The following FAM120A variants were observed in gnomAD, a reference collection of about 807,000 sequenced individuals.
The protein encoded by FAM120A is constitutive coactivator of PPAR-gamma-like protein 1.
A neutral mutation model predicts 109.7 loss-of-function variants in FAM120A; 15 were observed. That is an observed-to-expected ratio of 0.14 (90% CI 0.09 to 0.21). The LOEUF (loss-of-function observed/expected upper bound fraction) is 0.21. Ranked by LOEUF, FAM120A falls within the 10% of genes least tolerant of loss-of-function variation. The pLI, the probability that FAM120A is intolerant of heterozygous loss-of-function variation, is 1.00. For missense variants in FAM120A, 899 were observed against 1,439.3 expected (o/e 0.62, Z 6.07); for synonymous variants, 493 against 572.8 (o/e 0.86, Z 1.99).
rs1162617221 is a variant in FAM120A, at chr9:93,541,373, G to C, written c.1910-1849G>C. ...GTGGAGATGATCCTGTATGTTCCGA[G>C]TCTACTTCTGGGAAAGCTTCTGGAA... is the stretch of plus-strand genomic sequence containing the variant. On this transcript the variant is annotated intron_variant, in intron 10 of 17. Transcript: ENST00000277165. 2.0e-5 allele frequency among the ~76,000 whole-genome samples: 3 copies of C among 152,212 alleles called. No individual in the cohort carries two copies. The East Asian group carries it at 5.8e-4, about 29-fold the overall frequency.
At chr9:93,485,431 A>G (rs1421077031) in intron 3 of FAM120A, among the ~76,000 whole-genome samples, 2 of 152,050 alleles carry the variant, frequency 1.3e-5, no homozygotes, top group Non-Finnish European at 2.9e-5. Context: ...CCCTATCTCT[A>G]TAAAAAAATA....
intron 5 of FAM120A, among the ~76,000 whole-genome samples, chr9:93,508,556 C>G (rs764987325): frequency 5.8e-4 from 88 of 152,312 alleles, no homozygotes; most frequent in Middle Eastern, 3.4e-3. Flanking sequence ...CCAGCTCAGG[C>G]AGCCTGCCCA....
At chr9:93,467,424 A>G (rs903205582) in intron 1 of FAM120A, among the ~76,000 whole-genome samples, 3 of 152,170 alleles carry the variant, frequency 2.0e-5, no homozygotes, top group Non-Finnish European at 4.4e-5. Context: ...TAGAAGTTGA[A>G]GGAATGTAGA....
chr9:93,470,569 T>G (rs191058763), intron 1 of FAM120A, among the ~76,000 whole-genome samples: 14 of 152,302 alleles, frequency 9.2e-5, no homozygotes, highest in Admixed American at 6.5e-5. Context: ...GCAGTTACAT[T>G]GAGGGTGAAC....
At chr9:93,478,122 C>G (rs570618528) in intron 3 of FAM120A, among the ~76,000 whole-genome samples, 1 of 152,124 alleles carries the variant, frequency 6.6e-6, no homozygotes, top group Non-Finnish European at 1.5e-5. Flanking sequence ...CATTTTGATA[C>G]TTTATCATAT....
At chr9:93,459,396 A>G (rs1857689804) in intron 1 of FAM120A, among the ~76,000 whole-genome samples, 1 of 152,180 alleles carries the variant, frequency 6.6e-6, no homozygotes, top group African/African-American at 2.4e-5. Flanking sequence ...ATCAATGGCC[A>G]TTACTTAAGT....
At chr9:93,558,091 A>G in intron 14 of FAM120A, 81 bp downstream of exon 14, 4 of 1,373,880 alleles carry the variant, frequency 2.9e-6, no homozygotes, top group Non-Finnish European at 3.9e-6. Context: ...AGGCAAGCCC[A>G]TCTGCTGTGT....
intron 10 of FAM120A, among the ~76,000 whole-genome samples, chr9:93,539,755 T>C (rs1380264412): frequency 6.6e-6 from 1 of 152,250 alleles, no homozygotes; most frequent in Non-Finnish European, 1.5e-5. Context: ...TCCTTCCTCC[T>C]GGGCAACAGT....
intron 5 of FAM120A, among the ~76,000 whole-genome samples, chr9:93,514,170 G>A (rs1458089872): frequency 6.6e-6 from 1 of 152,220 alleles, no homozygotes; most frequent in Non-Finnish European, 1.5e-5. Context: ...AGTGTCGAGT[G>A]AAGGGGGAAG....
intron 2 of FAM120A, among the ~76,000 whole-genome samples, chr9:93,474,032 A>C (rs1295593685): frequency 2.0e-5 from 3 of 152,192 alleles, no homozygotes; most frequent in Non-Finnish European, 4.4e-5. Context: ...TTGGAAGATG[A>C]TGCCAACTGA....
chr9:93,510,574 A>G (rs1270549616), intron 5 of FAM120A, among the ~76,000 whole-genome samples: 1 of 152,212 alleles, frequency 6.6e-6, no homozygotes, highest in Non-Finnish European at 1.5e-5. Context: ...ATCTTATTTC[A>G]TCATAGACTT....
intron 5 of FAM120A, among the ~76,000 whole-genome samples, chr9:93,510,513 C>T (rs1406792875): frequency 1.3e-5 from 2 of 152,170 alleles, no homozygotes; most frequent in Non-Finnish European, 2.9e-5. Flanking sequence ...TGGTAGAGTT[C>T]TCTTTTAGGT....
intron 2 of FAM120A, among the ~76,000 whole-genome samples, chr9:93,473,022 AT>A (rs111931341): frequency 0.013 from 1,881 of 146,100 alleles, 35 homozygotes; most frequent in African/African-American, 0.039. Flanking sequence ...TCTTTGGACA[AT>A]TTTTTTTTTT....
At chr9:93,533,244 CACTG>C (rs1322529094) in intron 10 of FAM120A, among the ~76,000 whole-genome samples, 1 of 152,222 alleles carries the variant, frequency 6.6e-6, no homozygotes, top group African/African-American at 2.4e-5. Flanking sequence ...TCCTTGTCAG[CACTG>C]ACTGTGTGCA....
intron 10 of FAM120A, among the ~76,000 whole-genome samples, chr9:93,533,563 A>G (rs952201701): frequency 2.0e-5 from 3 of 152,178 alleles, no homozygotes; most frequent in African/African-American, 7.2e-5. Context: ...ACATTCTTCA[A>G]TGTACCTGTT....
At chr9:93,528,648 A>G (rs921351811) in intron 8 of FAM120A, among the ~76,000 whole-genome samples, 1 of 152,214 alleles carries the variant, frequency 6.6e-6, no homozygotes, top group Non-Finnish European at 1.5e-5. Context: ...CAAACAGTGT[A>G]TCATGGACCT....
chr9:93,518,875 T>C (rs1185674684), intron 7 of FAM120A, among the ~76,000 whole-genome samples: 2 of 152,214 alleles, frequency 1.3e-5, no homozygotes, highest in Non-Finnish European at 2.9e-5. Context: ...CAGCACAGGA[T>C]GGAGGCCCAA....
chr9:93,520,038 T>A (rs909699981), intron 7 of FAM120A, among the ~76,000 whole-genome samples: 15 of 152,078 alleles, frequency 9.9e-5, no homozygotes, highest in African/African-American at 3.6e-4. Context: ...CACACCCAGC[T>A]AACCTGTATT....
chr9:93,493,406 A>G (rs189140194), intron 3 of FAM120A, among the ~76,000 whole-genome samples: 52 of 152,352 alleles, frequency 3.4e-4, no homozygotes, highest in Admixed American at 1.4e-3. Flanking sequence ...TGAAAATACA[A>G]TACTTACCCT....
Sources: allele counts gnomAD v4.1 joint callset (sites outside exome capture counted in the v4.1 genomes callset), GRCh38; gene constraint gnomAD v4.1.1; transcripts MANE v1.5; gene names NCBI Gene and HGNC (gene_info 2026-07-23, HGNC 2026-07-21).